Variants in SDHAF3 observed in about 807,000 individuals in gnomAD.
SDHAF3 encodes succinate dehydrogenase assembly factor 3, mitochondrial.
In SDHAF3, 18 loss-of-function variants were observed where a neutral mutation model predicts 11.5. The observed-to-expected ratio is 1.56, with a 90% confidence interval of 1.08 to 2.32. SDHAF3 has a LOEUF of 2.32. SDHAF3 is among the 30% of genes most tolerant of loss of function. The probability of loss-of-function intolerance (pLI) is 0.00; values close to 1 mark genes in which losing one functional copy is unlikely to be tolerated. For missense variants in SDHAF3, 200 were observed against 154.4 expected, an observed-to-expected ratio of 1.30 and a Z score of -1.57; for synonymous variants, 72 against 59.3, an observed-to-expected ratio of 1.21 and a Z score of -0.99.
At chr7:97,174,680 TGATTA>T (rs1174662265) in intron 1 of SDHAF3, among the ~76,000 whole-genome samples, 1 of 152,232 alleles carries the variant, frequency 6.6e-6, no homozygotes. Flanking sequence ...TGTTTTCTTA[TGATTA>T]GATTGAGGTT....
At chr7:97,164,491 C>T (rs766030748) in intron 1 of SDHAF3, among the ~76,000 whole-genome samples, 8 of 151,556 alleles carry the variant, frequency 5.3e-5, no homozygotes, top group Non-Finnish European at 8.8e-5. Flanking sequence ...ATTCTCCTGC[C>T]TCTACCTCCT....
rs572604602 is a variant in SDHAF3 at position 97,122,133 on chromosome 7, G to A, written c.174+4236G>A. 6.1e-4 allele frequency among the ~76,000 whole-genome samples: 93 copies of A among 152,280 alleles called. 1 individual carries two copies. The highest frequency in any genetic ancestry group is 2.2e-3 in the African/African-American group (90 of 41,560). ...GGGCCTCCCAAATGCTGGGATTACA[G>A]GCGTGAGCCACCGCGCCCGGCCGAA... On this transcript the variant is annotated intron_variant, in intron 1 of 1. Coordinates refer to ENST00000432641, the MANE Select transcript of SDHAF3 (RefSeq NM_020186.3).
At chr7:97,132,629 A>C (rs1334303481) in intron 1 of SDHAF3, among the ~76,000 whole-genome samples, 1 of 152,156 alleles carries the variant, frequency 6.6e-6, no homozygotes, top group Non-Finnish European at 1.5e-5. Flanking sequence ...TTCCATTTTA[A>C]TTTTTTACCT....
intron 1 of SDHAF3, among the ~76,000 whole-genome samples, chr7:97,179,762 G>A (rs961828623): frequency 7.0e-6 from 1 of 143,156 alleles, no homozygotes; most frequent in African/African-American, 2.6e-5. Flanking sequence ...GAAAAACCCT[G>A]CCTGCCCTGA....
chr7:97,119,370 G>A (rs1791456665), intron 1 of SDHAF3, among the ~76,000 whole-genome samples: 1 of 152,068 alleles, frequency 6.6e-6, no homozygotes, highest in Non-Finnish European at 1.5e-5. Flanking sequence ...ATTGATAATA[G>A]GTTGTAGGAG....
At chr7:97,177,952 T>C (rs1157433219) in intron 1 of SDHAF3, among the ~76,000 whole-genome samples, 2 of 152,212 alleles carry the variant, frequency 1.3e-5, no homozygotes, top group Non-Finnish European at 2.9e-5. Flanking sequence ...ACTGTGTTTG[T>C]AATAATTTTT....
chr7:97,180,885 C>T (rs1789760625), intron 1 of SDHAF3, 127 bp from the exon 2 acceptor site: 1 of 732,288 alleles, frequency 1.4e-6, no homozygotes. Context: ...ATTTATATCT[C>T]CTTAACCAAA....
At position 97,181,226 on chromosome 7, in the gene SDHAF3, A is replaced by C; in HGVS notation, c.*11A>C. On this transcript the variant is annotated 3_prime_UTR_variant, in exon 2 of 2. Transcript: ENST00000432641. ...AAACCAAAATTTTAGTCTATACAACAAAGCTTAATAAGACATGCAAAAATT... is the reference window on the plus strand; with the variant it reads ...AAACCAAAATTTTAGTCTATACAACCAAGCTTAATAAGACATGCAAAAATT... The C allele has an allele frequency of 1.3e-6, 2 of 1,587,482 alleles. No individual in the cohort carries two copies. The highest frequency in any genetic ancestry group is 1.7e-6 in the Non-Finnish European group (2 of 1,169,004).
At chr7:97,159,673 G>C (rs1167987041) in intron 1 of SDHAF3, among the ~76,000 whole-genome samples, 2 of 152,034 alleles carry the variant, frequency 1.3e-5, no homozygotes, top group African/African-American at 2.4e-5. Context: ...ATGTCTACCA[G>C]GAGTGTGGGC....
chr7:97,127,627 TA>T (rs1415108079), intron 1 of SDHAF3, among the ~76,000 whole-genome samples: 1 of 152,222 alleles, frequency 6.6e-6, no homozygotes, highest in African/African-American at 2.4e-5. Context: ...GGCTAGTTTT[TA>T]TAAATGTATG....
intron 1 of SDHAF3, among the ~76,000 whole-genome samples, chr7:97,179,295 T>G (rs1789734346): frequency 6.6e-6 from 1 of 152,208 alleles, no homozygotes; most frequent in Non-Finnish European, 1.5e-5. Flanking sequence ...TATTTAGAGC[T>G]CCTTAGTTGT....
chr7:97,145,132 A>C (rs1372889727), intron 1 of SDHAF3, among the ~76,000 whole-genome samples: 1 of 149,658 alleles, frequency 6.7e-6, no homozygotes, highest in Non-Finnish European at 1.5e-5. Context: ...TGTATTGAAG[A>C]GCTACTGATT....
chr7:97,166,684 G>T (rs1789510640), intron 1 of SDHAF3, among the ~76,000 whole-genome samples: 1 of 152,030 alleles, frequency 6.6e-6, no homozygotes, highest in Non-Finnish European at 1.5e-5. Flanking sequence ...ATCATGGCCT[G>T]AACTAATATT....
chr7:97,130,575 T>G (rs1322795911), intron 1 of SDHAF3, among the ~76,000 whole-genome samples: 2 of 152,204 alleles, frequency 1.3e-5, no homozygotes, highest in Non-Finnish European at 2.9e-5. Flanking sequence ...CTCTGGCCTG[T>G]GGCTCTTGGG....
chr7:97,167,628 G>A (rs1028517360), intron 1 of SDHAF3, among the ~76,000 whole-genome samples: 1 of 152,276 alleles, frequency 6.6e-6, no homozygotes, highest in African/African-American at 2.4e-5. Context: ...CAAGCATTTG[G>A]GATCAGGGTT....
chr7:97,174,647 T>C (rs1386315784), intron 1 of SDHAF3, among the ~76,000 whole-genome samples: 1 of 152,180 alleles, frequency 6.6e-6, no homozygotes. Context: ...TAATAGAGTG[T>C]CCCTTAATTG....
intron 1 of SDHAF3, among the ~76,000 whole-genome samples, chr7:97,176,797 A>G (rs1789686393): frequency 6.6e-6 from 1 of 152,188 alleles, no homozygotes; most frequent in African/African-American, 2.4e-5. Context: ...TAAGTGAAAT[A>G]TTCTCTGAAA....
intron 1 of SDHAF3, among the ~76,000 whole-genome samples, chr7:97,141,478 T>G (rs908868276): frequency 2.0e-5 from 3 of 152,162 alleles, no homozygotes; most frequent in East Asian, 1.9e-4. Context: ...TTCTCTCTTT[T>G]GTACTCTTTC....
intron 1 of SDHAF3, among the ~76,000 whole-genome samples, chr7:97,161,603 A>G (rs529337620): frequency 1.3e-5 from 2 of 152,080 alleles, no homozygotes; most frequent in South Asian, 4.2e-4. Flanking sequence ...ACCCTCTGAC[A>G]GGCCCTGGTG....
Sources: gnomAD v4.1 joint callset for allele counts (sites outside exome capture counted in the v4.1 genomes callset) on GRCh38, gnomAD v4.1.1 for gene constraint, MANE v1.5 for transcripts, NCBI Gene and HGNC (gene_info 2026-07-23, HGNC 2026-07-21) for gene names.